SLC24A2: variants seen among roughly 807,000 people sequenced by gnomAD.
SLC24A2 encodes the protein solute carrier family 24 member 2, also known as sodium/potassium/calcium exchanger 2.
In SLC24A2, 36 loss-of-function variants were observed where a neutral mutation model predicts 62.0. That is an observed-to-expected ratio of 0.58 (90% CI 0.44 to 0.77). The LOEUF (loss-of-function observed/expected upper bound fraction) is 0.77, where lower values mean the gene tolerates loss of function less well. Among genes scored for constraint, SLC24A2 ranks in the 30% least tolerant of loss-of-function variants. SLC24A2 has a pLI of 0.00. For missense variants in SLC24A2, 846 were observed against 817.9 expected (o/e 1.03, Z -0.42); for synonymous variants, 358 against 294.0 (o/e 1.22, Z -2.23).
At chr9:20,100,180 G>T in the SLC24A2 span, among the ~76,000 whole-genome samples, 77 of 151,530 alleles carry the variant, frequency 5.1e-4, no homozygotes, top group African/African-American at 1.8e-3. Context: ...CTAACTTTTT[G>T]TGTGTGTGTG....
chr9:19,769,830 C>T lies in SLC24A2; in HGVS notation c.930+16107G>A, dbSNP rs186346831. ...TGCACAAAATGCCTTTTGCTTAACA[C>T]GTCCTACACCTACAGGTCTGTCTAC... is the stretch of plus-strand genomic sequence containing the variant. On this transcript the variant is annotated intron_variant, in intron 2 of 10. Coordinates refer to ENST00000341998, the MANE Select transcript of SLC24A2 (RefSeq NM_020344.4). 2.8e-3 allele frequency among the ~76,000 whole-genome samples: 431 copies of T among 152,144 alleles called. 3 individuals are homozygous for T. The highest frequency in any genetic ancestry group is 4.1e-3 in the Non-Finnish European group (280 of 68,012).
chr9:19,517,334 T>C (rs1832981318), intron 10 of SLC24A2, among the ~76,000 whole-genome samples: 1 of 152,178 alleles, frequency 6.6e-6, no homozygotes, highest in South Asian at 2.1e-4. Context: ...CTAGCTGAGC[T>C]TTCTGAATGA....
the SLC24A2 span, among the ~76,000 whole-genome samples, chr9:19,988,295 T>G: frequency 6.6e-6 from 1 of 152,194 alleles, no homozygotes; most frequent in Non-Finnish European, 1.5e-5. Flanking sequence ...CAGCCCCAGA[T>G]GGTCAGTCTG....
At chr9:19,636,319 C>CCTTTCCT (rs1818332094) in intron 2 of SLC24A2, among the ~76,000 whole-genome samples, 2 of 43,476 alleles carry the variant, frequency 4.6e-5, no homozygotes, top group African/African-American at 2.0e-4. Flanking sequence ...CTTTTCTTTT[C>CCTTTCCT]TTTCTTTCTT....
chr9:19,636,633 C>G (rs750583975), intron 2 of SLC24A2, among the ~76,000 whole-genome samples: 1 of 151,852 alleles, frequency 6.6e-6, no homozygotes, highest in Non-Finnish European at 1.5e-5. Flanking sequence ...CAAGGTTTCA[C>G]CATGTTGGCC....
chr9:20,136,754 G>A, the SLC24A2 span, among the ~76,000 whole-genome samples: 2 of 152,142 alleles, frequency 1.3e-5, no homozygotes, highest in African/African-American at 4.8e-5. Flanking sequence ...TAGTGAAACA[G>A]AGCATCCCCT....
chr9:20,055,995 T>G, the SLC24A2 span, among the ~76,000 whole-genome samples: 1 of 152,198 alleles, frequency 6.6e-6, no homozygotes. Flanking sequence ...AGAAGATGTG[T>G]GGAGTATTTA....
chr9:19,797,693 G>A, the SLC24A2 span, among the ~76,000 whole-genome samples: 544 of 152,232 alleles, frequency 3.6e-3, 1 homozygote, highest in Non-Finnish European at 6.3e-3. Context: ...AAGAGGCTAG[G>A]GGACTTTATT....
chr9:20,248,928 G>C, the SLC24A2 span, among the ~76,000 whole-genome samples: 4 of 152,100 alleles, frequency 2.6e-5, no homozygotes, highest in African/African-American at 9.7e-5. Flanking sequence ...TCCTGGTCCT[G>C]GTCTCCCTTT....
At chr9:20,061,929 A>G in the SLC24A2 span, among the ~76,000 whole-genome samples, 1 of 152,186 alleles carries the variant, frequency 6.6e-6, no homozygotes, top group African/African-American at 2.4e-5. Flanking sequence ...TGCAAATCAT[A>G]TATCTGATAA....
At chr9:19,682,982 G>A (rs1337280230) in intron 2 of SLC24A2, among the ~76,000 whole-genome samples, 1 of 152,076 alleles carries the variant, frequency 6.6e-6, no homozygotes, top group Non-Finnish European at 1.5e-5. Context: ...AAAAGGTTTA[G>A]AGTAAAAAAT....
chr9:19,765,242 CTT>C (rs1163863659), intron 2 of SLC24A2, among the ~76,000 whole-genome samples: 1 of 152,108 alleles, frequency 6.6e-6, no homozygotes, highest in Non-Finnish European at 1.5e-5. Context: ...GGTCTTGACT[CTT>C]TATCCAATTT....
chr9:19,868,280 T>G, the SLC24A2 span, among the ~76,000 whole-genome samples: 91 of 152,310 alleles, frequency 6.0e-4, 1 homozygote, highest in African/African-American at 2.1e-3. Flanking sequence ...GCTTATTGTT[T>G]ATTTTCAAAT....
chr9:19,790,513 C>G (rs373927478), upstream of SLC24A2, among the ~76,000 whole-genome samples: 1 of 123,506 alleles, frequency 8.1e-6, no homozygotes, highest in African/African-American at 3.0e-5. Flanking sequence ...TGACCAAAGA[C>G]GGGCTAATTT....
chr9:19,976,761 C>A, the SLC24A2 span, among the ~76,000 whole-genome samples: 1 of 152,168 alleles, frequency 6.6e-6, no homozygotes, highest in Non-Finnish European at 1.5e-5. Flanking sequence ...GGTCCTGGAA[C>A]AAATTCCCTG....
intron 7 of SLC24A2, among the ~76,000 whole-genome samples, chr9:19,570,679 A>T (rs1199726028): frequency 6.6e-6 from 1 of 152,258 alleles, no homozygotes; most frequent in Non-Finnish European, 1.5e-5. Flanking sequence ...GGCTTTATGT[A>T]CATTATTTCA....
the SLC24A2 span, among the ~76,000 whole-genome samples, chr9:19,883,537 T>C: frequency 3.3e-5 from 5 of 151,508 alleles, no homozygotes; most frequent in Admixed American, 6.6e-5. Context: ...GGGGGCTCAG[T>C]CTCCTCATCT....
chr9:20,070,900 A>T, the SLC24A2 span, among the ~76,000 whole-genome samples: 1 of 152,144 alleles, frequency 6.6e-6, no homozygotes, highest in Non-Finnish European at 1.5e-5. Flanking sequence ...CTCATGTCAA[A>T]CTGTAATCCC....
intron 8 of SLC24A2, among the ~76,000 whole-genome samples, chr9:19,544,047 T>A (rs529685965): frequency 4.9e-4 from 74 of 152,260 alleles, no homozygotes; most frequent in African/African-American, 1.7e-3. Context: ...TCTCCCACTA[T>A]TATTGTGTGG....
Sources: allele counts gnomAD v4.1 joint callset (sites outside exome capture counted in the v4.1 genomes callset), GRCh38; gene constraint gnomAD v4.1.1; transcripts MANE v1.5; gene names NCBI Gene and HGNC (gene_info 2026-07-23, HGNC 2026-07-21).